Variants in SFMBT1 observed in about 807,000 individuals in gnomAD.
The protein encoded by SFMBT1 is scm-like with four MBT domains protein 1.
Under a neutral mutation model 108.7 loss-of-function variants are expected in SFMBT1, and 32 were observed. The ratio of observed to expected loss-of-function variants is 0.29; its 90% CI spans 0.22 to 0.40. The LOEUF is 0.40. SFMBT1 is among the 10% of genes least tolerant of loss of function. SFMBT1 has a pLI of 1.00. For synonymous variants in SFMBT1, 348 were observed against 369.5 expected (o/e 0.94, Z 0.67); for missense variants, 816 against 1,059.6 (o/e 0.77, Z 3.19).
chr3:52,980,868 G>A (rs563659606), intron 1 of SFMBT1, among the ~76,000 whole-genome samples: 1 of 152,190 alleles, frequency 6.6e-6, no homozygotes, highest in Non-Finnish European at 1.5e-5. Context: ...CAAAGCAAAA[G>A]AAAGGTGAAG....
chr3:53,001,284 A>C (rs1698538895), intron 1 of SFMBT1, among the ~76,000 whole-genome samples: 1 of 150,254 alleles, frequency 6.7e-6, no homozygotes, highest in Admixed American at 6.7e-5. Context: ...TCTTTTAGTT[A>C]GCTAGGTGTG....
At chr3:53,031,218 C>T (rs1245846378) in intron 1 of SFMBT1, among the ~76,000 whole-genome samples, 1 of 152,206 alleles carries the variant, frequency 6.6e-6, no homozygotes, top group Non-Finnish European at 1.5e-5. Context: ...TGAAGCTCAA[C>T]CTGTGGCCCA....
Position 52,912,612 on chromosome 3 carries a change from G to A in SFMBT1, c.1656C>T (p.Pro552=), listed in dbSNP as rs1236414524. Residue 552 remains proline (P), a synonymous_variant, in exon 16 of 21, where the codon CCC becomes CCT. Coordinates refer to ENST00000394752, the MANE Select transcript of SFMBT1 (RefSeq NM_016329.4). ...LTLLINAAYK[P]SRVLRELQLD... is the part of the protein sequence containing the mutation. ...GCTGGAGCTCCCGAAGGACACGGCT[G>A]GGTTTGTAGGCTGCATTGATAAGTA... 1.2e-6 allele frequency: 2 copies of A among 1,614,054 alleles called. No homozygotes were observed. The highest frequency in any genetic ancestry group is 3.3e-5 in the Admixed American group (2 of 60,018).
chr3:53,014,378 G>A (rs1294519094), intron 1 of SFMBT1, among the ~76,000 whole-genome samples: 2 of 151,912 alleles, frequency 1.3e-5, no homozygotes, highest in African/African-American at 2.4e-5. Flanking sequence ...GCTGAGGCAG[G>A]AGAATCGCTT....
chr3:52,906,770 C>T, intron 19 of SFMBT1, among the ~76,000 whole-genome samples: 1 of 152,164 alleles, frequency 6.6e-6, no homozygotes, highest in East Asian at 1.9e-4. Context: ...ATTAAAAAGG[C>T]AGTTTTCCCA....
chr3:52,937,909 A>G (rs980501135), intron 4 of SFMBT1, among the ~76,000 whole-genome samples: 3 of 151,864 alleles, frequency 2.0e-5, no homozygotes, highest in African/African-American at 7.2e-5. Context: ...TTTGAAAAAA[A>G]TAAGTTCACA....
chr3:53,007,232 C>CT lies in SFMBT1; in HGVS notation c.-130-37975dup, dbSNP rs566135347. 3.7e-3 allele frequency among the ~76,000 whole-genome samples: 562 copies of CT among 152,292 alleles called. 5 individuals carry two copies. The highest frequency in any genetic ancestry group is 5.4e-3 in the Admixed American group (83 of 15,300). ...GGCTTTGACAATTTTAATACCTCTA[C>CT]TTAGCACTTTCTAAACAAGACCTCT... On this transcript the variant is annotated intron_variant, in intron 1 of 20. Coordinates refer to ENST00000394752, the MANE Select transcript of SFMBT1 (RefSeq NM_016329.4).
intron 1 of SFMBT1, among the ~76,000 whole-genome samples, chr3:53,045,566 G>A (rs1700205809): frequency 7.0e-6 from 1 of 142,244 alleles, no homozygotes. Flanking sequence ...CAGCCGGCCG[G>A]CCGGCGCGCG....
intron 1 of SFMBT1, among the ~76,000 whole-genome samples, chr3:53,019,321 C>T (rs925617342): frequency 2.0e-5 from 3 of 150,272 alleles, no homozygotes; most frequent in Admixed American, 6.7e-5. Context: ...AAAAAGCACA[C>T]GCATGTGCAT....
In SFMBT1 at chr3:52,982,729, C is replaced by CAAAAAAAAAAA. The variant is rs34099481; in HGVS notation, c.-130-13482_-130-13472dup. Among the ~76,000 whole-genome samples the CAAAAAAAAAAA allele has an allele frequency of 3.3e-4, 23 of 69,104 alleles. 1 individual carries two copies. Among genetic ancestry groups the CAAAAAAAAAAA allele is most frequent in the Admixed American group, 5.4e-4 (3 of 5,590 alleles). 45.3% of individuals were successfully genotyped at this position (69,104 alleles called of 152,430 possible). On this transcript the variant is annotated intron_variant, in intron 1 of 20. Coordinates refer to ENST00000394752, the MANE Select transcript of SFMBT1 (RefSeq NM_016329.4). Reference sequence around the variant, plus strand: ...GGGCGACAGAGCAAGACTCCCATCTCAAAAAAAAAAAAAAAAAAAAAAAAG... The same window carrying CAAAAAAAAAAA: ...GGGCGACAGAGCAAGACTCCCATCTCAAAAAAAAAAAAAAAAAAAAAAAAAAAAAAAAAAAG...
At chr3:53,027,986 G>A (rs1317576202) in intron 1 of SFMBT1, among the ~76,000 whole-genome samples, 1 of 152,186 alleles carries the variant, frequency 6.6e-6, no homozygotes, top group Non-Finnish European at 1.5e-5. Flanking sequence ...GTTAAACTTT[G>A]GATAGTCCAA....
chr3:53,037,021 G>T (rs1385206501), intron 1 of SFMBT1, among the ~76,000 whole-genome samples: 5 of 152,212 alleles, frequency 3.3e-5, no homozygotes, highest in Non-Finnish European at 7.3e-5. Flanking sequence ...GGAATCCTCT[G>T]AAGGAGGCTG....
At chr3:52,976,869 T>G (rs1295488071) in intron 1 of SFMBT1, among the ~76,000 whole-genome samples, 2 of 152,182 alleles carry the variant, frequency 1.3e-5, no homozygotes, top group African/African-American at 4.8e-5. Context: ...AGCTAAAATT[T>G]TATTTTTCAC....
intron 20 of SFMBT1, 104 bp from the exon 21 acceptor site, chr3:52,905,380 T>C (rs1702040924): frequency 4.2e-6 from 5 of 1,194,086 alleles, no homozygotes; most frequent in South Asian, 1.6e-5. Flanking sequence ...GGAATCCCTA[T>C]GCTTTCCTTT....
chr3:52,928,974 G>C (rs558325587), intron 8 of SFMBT1, among the ~76,000 whole-genome samples: 1 of 151,786 alleles, frequency 6.6e-6, no homozygotes, highest in Non-Finnish European at 1.5e-5. Context: ...CAAAGTGCTG[G>C]GATTACATGC....
At chr3:52,958,425 T>C (rs1212902242) in intron 2 of SFMBT1, among the ~76,000 whole-genome samples, 2 of 152,106 alleles carry the variant, frequency 1.3e-5, no homozygotes, top group Non-Finnish European at 2.9e-5. Context: ...ACCCCATCTC[T>C]ACTAAAAATA....
intron 5 of SFMBT1, among the ~76,000 whole-genome samples, chr3:52,933,382 A>G (rs1361843340): frequency 6.6e-6 from 1 of 152,222 alleles, no homozygotes; most frequent in Non-Finnish European, 1.5e-5. Flanking sequence ...AACTCTCACT[A>G]TCTAGAAGTA....
In SFMBT1 at chr3:53,040,791, T is replaced by A. The variant is rs568486871; in HGVS notation, c.-131+5025A>T. 8.6e-5 allele frequency among the ~76,000 whole-genome samples: 13 copies of A among 151,836 alleles called. No homozygotes were observed. In the East Asian group the frequency reaches 2.5e-3, roughly 29 times the overall value. ...TTAACACATCATTTAACACACAATA[T>A]ACAGACTACTTTTTTTTTTGTTTTT... On this transcript the variant is annotated intron_variant, in intron 1 of 20. Coordinates refer to ENST00000394752, the MANE Select transcript of SFMBT1 (RefSeq NM_016329.4).
intron 1 of SFMBT1, among the ~76,000 whole-genome samples, chr3:53,000,670 G>A (rs1307608486): frequency 2.0e-5 from 3 of 149,974 alleles, no homozygotes; most frequent in Admixed American, 6.8e-5. Flanking sequence ...CAGCAAAAAC[G>A]TAAATTAGTA....
Sources: gnomAD v4.1 joint callset for allele counts (sites outside exome capture counted in the v4.1 genomes callset) on GRCh38, gnomAD v4.1.1 for gene constraint, MANE v1.5 for transcripts, NCBI Gene and HGNC (gene_info 2026-07-23, HGNC 2026-07-21) for gene names.